TRIM74: variants seen among roughly 807,000 people sequenced by gnomAD.
The protein encoded by TRIM74 is tripartite motif-containing protein 74.
A neutral mutation model predicts 14.5 loss-of-function variants in TRIM74; 3 were observed. The ratio of observed to expected loss-of-function variants is 0.21; its 90% CI spans 0.09 to 0.53. The LOEUF is 0.53. Among genes scored for constraint, TRIM74 ranks in the 20% least tolerant of loss-of-function variants. TRIM74 has a pLI of 0.95. For synonymous variants in TRIM74, 10 were observed against 71.3 expected (o/e 0.14, Z 4.33); for missense variants, 26 against 174.0 (o/e 0.15, Z 4.79).
At chr7:72,963,746 C>G (rs1322916151) in intron 2 of TRIM74, among the ~76,000 whole-genome samples, 1 of 142,330 alleles carries the variant, frequency 7.0e-6, no homozygotes, top group Non-Finnish European at 1.6e-5. Flanking sequence ...AAAACAGGGA[C>G]CCAAGCTGAG....
chr7:72,955,053 T>C (rs1464240751), downstream of TRIM74: 44 of 647,682 alleles, frequency 6.8e-5, no homozygotes, highest in Non-Finnish European at 1.1e-4. Flanking sequence ...TCATTTCATA[T>C]ATATATGTGT....
intron 1 of TRIM74, among the ~76,000 whole-genome samples, chr7:72,967,252 G>C (rs1193782920): frequency 6.7e-6 from 1 of 148,274 alleles, no homozygotes; most frequent in Non-Finnish European, 1.5e-5. Flanking sequence ...TTTTTGGGGG[G>C]GGTGGGGGGC....
chr7:72,955,106 TATATA>T (rs1404891228), downstream of TRIM74: 10,229 of 150,140 alleles, frequency 0.068, 284 homozygotes, highest in East Asian at 0.17. Flanking sequence ...TATATATATA[TATATA>T]TTTTTTTTTT....
downstream of TRIM74, among the ~76,000 whole-genome samples, chr7:72,957,094 T>C (rs1465561706): frequency 1.1e-4 from 17 of 149,992 alleles, no homozygotes; most frequent in Non-Finnish European, 2.2e-4. Flanking sequence ...CACTCCAGCC[T>C]GGGCAACAGA....
chr7:72,955,105 ATATATATTT>A, downstream of TRIM74: 1 of 148,792 alleles, frequency 6.7e-6, no homozygotes, highest in Middle Eastern at 2.5e-3. Flanking sequence ...ATATATATAT[ATATATATTT>A]TTTTTTTTTT....
chr7:72,955,627 C>T (rs1554505551), downstream of TRIM74, among the ~76,000 whole-genome samples: 1 of 150,122 alleles, frequency 6.7e-6, no homozygotes, highest in Admixed American at 6.6e-5. Context: ...GCCGGTTTGG[C>T]CAAATTAAAT....
At chr7:72,963,995 G>A (rs1431002741) in intron 2 of TRIM74, among the ~76,000 whole-genome samples, 1 of 32,158 alleles carries the variant, frequency 3.1e-5, no homozygotes, top group Admixed American at 3.3e-4. Context: ...TCTGATTTCC[G>A]GGAGGCCACA....
downstream of TRIM74, among the ~76,000 whole-genome samples, chr7:72,958,615 G>GT (rs1486417409): frequency 9.6e-6 from 1 of 104,258 alleles, no homozygotes; most frequent in Non-Finnish European, 1.9e-5. Context: ...CTGGAGTGCA[G>GT]TGGAGCAATC....
downstream of TRIM74, among the ~76,000 whole-genome samples, chr7:72,955,674 C>T (rs1488572305): frequency 6.8e-6 from 1 of 146,306 alleles, no homozygotes; most frequent in East Asian, 2.0e-4. Flanking sequence ...GCCACAATAA[C>T]GGTTTTGTTT....
At chr7:72,967,433 A>AT (rs1301934148) in intron 1 of TRIM74, among the ~76,000 whole-genome samples, 5 of 152,024 alleles carry the variant, frequency 3.3e-5, no homozygotes, top group South Asian at 2.1e-4. Flanking sequence ...AATTTTTAAA[A>AT]TTTTTTTTGT....
At chr7:72,954,921 C>A (rs782646782), downstream of TRIM74, 1 of 541,290 alleles carries the variant, frequency 1.8e-6, no homozygotes, top group East Asian at 3.3e-5. Flanking sequence ...TGCGACGCTG[C>A]GAGCCCGTTT....
downstream of TRIM74, among the ~76,000 whole-genome samples, chr7:72,956,230 TCAG>T (rs1798091999): frequency 9.7e-6 from 1 of 103,368 alleles, no homozygotes; most frequent in African/African-American, 4.0e-5. Flanking sequence ...ACCTGTAATC[TCAG>T]CTACTTGGGA....
In TRIM74 at chr7:72,969,434, G is replaced by A. The variant is rs1252059288; in HGVS notation, c.-168C>T. On this transcript the variant is annotated 5_prime_UTR_variant, in exon 1 of 5. Transcript: ENST00000285805. ...CCCGCACGCTCTGGTTACATGCCCC[G>A]CCTGGCGCTCCCGCACATGCCCCAT... 2 of 561,224 alleles carry A rather than the reference G, an allele frequency of 3.6e-6. No individual in the cohort carries two copies. The highest frequency in any genetic ancestry group is 6.0e-5 in the East Asian group (2 of 33,172). 34.8% of individuals were successfully genotyped at this position (561,224 alleles called of 1,614,324 possible). A position where few individuals can be genotyped will look rare whatever the true frequency, so the allele number is the denominator to read the frequency against.
At chr7:72,955,111 A>ATT (rs59028605), downstream of TRIM74, 454 of 112,924 alleles carry the variant, frequency 4.0e-3, 4 homozygotes, top group South Asian at 0.026. Flanking sequence ...ATATATATAT[A>ATT]TTTTTTTTTT....
At chr7:72,967,052 T>C (rs1279486685) in intron 1 of TRIM74, 2 of 151,208 alleles carry the variant, frequency 1.3e-5, no homozygotes, top group African/African-American at 4.8e-5. Context: ...CTGGGTTACA[T>C]CACAGGACTG....
intron 1 of TRIM74, among the ~76,000 whole-genome samples, chr7:72,967,269 G>A (rs1272987893): frequency 1.6e-5 from 2 of 125,064 alleles, no homozygotes; most frequent in African/African-American, 2.9e-5. Context: ...GGGCTGGGGG[G>A]CAGGGGAAGA....
chr7:72,966,918 GCA>G (rs1798293897), intron 1 of TRIM74: 2 of 140,882 alleles, frequency 1.4e-5, no homozygotes, highest in Non-Finnish European at 3.1e-5. Flanking sequence ...GGAACAGCAG[GCA>G]CAGAGTCAGA....
chr7:72,966,348 A>G lies in TRIM74; in HGVS notation c.-18-173T>C, dbSNP rs1798271662. 1.4e-5 allele frequency among the ~76,000 whole-genome samples: 2 copies of G among 138,434 alleles called. 1 individual carries two copies. The highest frequency in any genetic ancestry group is 4.4e-4 in the South Asian group (2 of 4,566). The allele number at this position is 138,434 out of a possible 152,430, so 90.8% of individuals were successfully genotyped here. A position where few individuals can be genotyped will look rare whatever the true frequency, so the allele number is the denominator to read the frequency against. On this transcript the variant is annotated intron_variant, in intron 1 of 4. Transcript: ENST00000285805. ...CCTCAGTTTCCACAGCTGTAAAACA[A>G]AAGACTGCAGTGAAAAAACTGGTCC... is the stretch of plus-strand genomic sequence containing the variant.
chr7:72,955,104 TA>T (rs1448858808), downstream of TRIM74: 148 of 162,362 alleles, frequency 9.1e-4, 1 homozygote, highest in Middle Eastern at 4.7e-3. Flanking sequence ...TATATATATA[TA>T]TATATATTTT....
Sources: gnomAD v4.1 joint callset for allele counts (sites outside exome capture counted in the v4.1 genomes callset) on GRCh38, gnomAD v4.1.1 for gene constraint, MANE v1.5 for transcripts, NCBI Gene and HGNC (gene_info 2026-07-23, HGNC 2026-07-21) for gene names.